Variants in CS observed in about 807,000 individuals in gnomAD.
CS encodes citrate synthase, mitochondrial.
CS carries 13 observed loss-of-function variants against 61.4 expected under a neutral mutation model. That is an observed-to-expected ratio of 0.21 (90% CI 0.14 to 0.34). The LOEUF is 0.34. CS is among the 10% of genes least tolerant of loss of function. CS has a pLI of 1.00. For missense variants in CS, 278 were observed against 573.4 expected (o/e 0.48, Z 5.26); for synonymous variants, 159 against 215.2 (o/e 0.74, Z 2.29).
chr12:56,282,384 C>T, intron 6 of CS, 36 bp downstream of exon 6: 1 of 1,497,856 alleles, frequency 6.7e-7, no homozygotes, highest in Non-Finnish European at 9.0e-7. Context: ...CTTTGAATCC[C>T]CATCACACAC....
chr12:56,291,321 A>T (rs1201082625), intron 1 of CS: 1 of 966,896 alleles, frequency 1.0e-6, no homozygotes, highest in African/African-American at 1.8e-5. Context: ...GGAATACAAA[A>T]TAAAGTCCCA....
chr12:56,297,169 C>G (rs576567039), intron 1 of CS, among the ~76,000 whole-genome samples: 1 of 152,304 alleles, frequency 6.6e-6, no homozygotes, highest in South Asian at 2.1e-4. Flanking sequence ...AGACAGTTCC[C>G]TTTAGCTAGG....
At chr12:56,284,233 C>T (rs1872861228) in intron 3 of CS, among the ~76,000 whole-genome samples, 1 of 145,788 alleles carries the variant, frequency 6.9e-6, no homozygotes, top group Non-Finnish European at 1.5e-5. Context: ...GCAGGAGAAT[C>T]GCTTGAACCC....
chr12:56,284,319 CAAAAAAAAAAAAAAA>C (rs57352870), intron 3 of CS, among the ~76,000 whole-genome samples: 2 of 73,362 alleles, frequency 2.7e-5, no homozygotes, highest in African/African-American at 5.0e-5. Context: ...AACTCCATCT[CAAAAAAAAAAAAAAA>C]AAAGAAAAAA....
Position 56,275,976 on chromosome 12 carries a change from G to C in CS, c.788+20C>G. On this transcript the variant is annotated intron_variant, in intron 7 of 10. Coordinates refer to ENST00000351328, the MANE Select transcript of CS (RefSeq NM_004077.3). ...ACCAATTGAGGCACCTAGTGGCTGT[G>C]GTTGCTGGGTCTAGCTTACCTGTGG... 1 of 1,611,668 alleles carries C rather than the reference G, an allele frequency of 6.2e-7. No individual in the cohort carries two copies. Among genetic ancestry groups the C allele is most frequent in the Non-Finnish European group, 8.5e-7 (1 of 1,177,968 alleles).
intron 1 of CS, among the ~76,000 whole-genome samples, chr12:56,290,372 C>T (rs1366349400): frequency 6.6e-6 from 1 of 151,874 alleles, no homozygotes; most frequent in Non-Finnish European, 1.5e-5. Context: ...CCAACACACC[C>T]GGCTAATTTT....
chr12:56,298,493 G>T, intron 1 of CS: 4 of 291,762 alleles, frequency 1.4e-5, no homozygotes, highest in Non-Finnish European at 1.5e-5. Flanking sequence ...CACATTCACT[G>T]CAGGGTTAGA....
At chr12:56,288,346 A>ATT (rs1164867172) in intron 1 of CS, among the ~76,000 whole-genome samples, 599 of 122,926 alleles carry the variant, frequency 4.9e-3, no homozygotes, top group Non-Finnish European at 6.8e-3. Flanking sequence ...GCTTTTTAGA[A>ATT]TTTTTTTTTT....
chr12:56,295,191 T>C (rs1049259871), intron 1 of CS, among the ~76,000 whole-genome samples: 7 of 152,020 alleles, frequency 4.6e-5, no homozygotes, highest in African/African-American at 1.7e-4. Context: ...CCTCCCAAAG[T>C]GCTGGAATTA....
Position 56,300,292 on chromosome 12 carries a change from G to C in CS, c.-91C>G. 7.3e-7 allele frequency: 1 copy of C among 1,367,114 alleles called. No homozygotes were observed. Among genetic ancestry groups the C allele is most frequent in the Non-Finnish European group, 1.0e-6 (1 of 999,916 alleles). The allele number at this position is 1,367,114 out of a possible 1,614,324, so 84.7% of individuals were successfully genotyped here. ...CCGCCGCCGCTGCACCAGAGGCCGC[G>C]CCGACGGGTTGACAAGGTTGAAAGG... is the stretch of plus-strand genomic sequence containing the variant. On this transcript the variant is annotated 5_prime_UTR_variant, in exon 1 of 11. Coordinates refer to ENST00000351328, the MANE Select transcript of CS (RefSeq NM_004077.3).
At chr12:56,286,198 G>T in intron 2 of CS, 175 bp from the exon 3 acceptor site, 1 of 598,442 alleles carries the variant, frequency 1.7e-6, no homozygotes, top group Non-Finnish European at 3.0e-6. Flanking sequence ...GAAGGAATGA[G>T]GAGTTAATGT....
rs532687848 is a variant in CS at position 56,296,192 on chromosome 12, G to A, written c.42+3968C>T. The stretch of plus-strand genomic sequence containing the variant: ...AGAAATACAGAGGGCTGGGTGCAGT[G>A]GCTCACGCCTGTAATCTCAGCACTT... On this transcript the variant is annotated intron_variant, in intron 1 of 10. Transcript: ENST00000351328. Among the ~76,000 whole-genome samples the A allele has an allele frequency of 7.9e-5, 12 of 151,708 alleles. No homozygotes were observed. In the South Asian group the frequency reaches 2.5e-3, roughly 32 times the overall value.
chr12:56,283,600 C>T (rs1872841909), intron 4 of CS, among the ~76,000 whole-genome samples, 192 bp downstream of exon 4: 1 of 152,180 alleles, frequency 6.6e-6, no homozygotes, highest in Admixed American at 6.5e-5. Context: ...TGGTTTTGTA[C>T]TTTTATTTTT....
intron 9 of CS, chr12:56,274,496 T>A: frequency 3.5e-6 from 1 of 288,266 alleles, no homozygotes; most frequent in Non-Finnish European, 6.5e-6. Context: ...TGTGTTGTCC[T>A]GGCTGGAGTG....
intron 6 of CS, among the ~76,000 whole-genome samples, chr12:56,279,591 C>A (rs999470109): frequency 6.6e-6 from 1 of 151,962 alleles, no homozygotes; most frequent in South Asian, 2.1e-4. Context: ...ACGGTGAAAC[C>A]CCGACTCTAC....
At chr12:56,286,675 A>T in intron 1 of CS, 30 bp from the exon 2 acceptor site, 1 of 1,597,400 alleles carries the variant, frequency 6.3e-7, no homozygotes, top group East Asian at 2.2e-5. Context: ...ACCTTATGTA[A>T]CTGTTACCCC....
At chr12:56,279,720 C>G (rs953702455) in intron 6 of CS, among the ~76,000 whole-genome samples, 3 of 150,890 alleles carry the variant, frequency 2.0e-5, no homozygotes, top group Non-Finnish European at 3.0e-5. Context: ...CAGCTGAGAT[C>G]GCACCACTGC....
intron 1 of CS, among the ~76,000 whole-genome samples, chr12:56,293,826 A>G (rs1293370429): frequency 1.3e-5 from 2 of 152,374 alleles, no homozygotes; most frequent in South Asian, 2.1e-4. Context: ...GAGCTTGCCA[A>G]GCCAGCAGGA....
Position 56,300,064 on chromosome 12 carries a change from T to C in CS, c.42+96A>G, listed in dbSNP as rs1156971585. ...GCAGGGCCCTTTAAGGCGCGCAGGG[T>C]GCGCACGGGTGTGGGAGGGAGACCC... On this transcript the variant is annotated intron_variant, in intron 1 of 10. Transcript: ENST00000351328. The C allele has an allele frequency of 1.8e-5, 22 of 1,247,624 alleles. 1 individual carries two copies. The East Asian group carries it at 2.5e-4, about 14-fold the overall frequency. The allele number at this position is 1,247,624 out of a possible 1,614,324, so 77.3% of individuals were successfully genotyped here. A position where few individuals can be genotyped will look rare whatever the true frequency, so the allele number is the denominator to read the frequency against.
Sources: gnomAD v4.1 joint callset for allele counts (sites outside exome capture counted in the v4.1 genomes callset) on GRCh38, gnomAD v4.1.1 for gene constraint, MANE v1.5 for transcripts, NCBI Gene and HGNC (gene_info 2026-07-23, HGNC 2026-07-21) for gene names.